Variants in NTAQ1 observed in about 807,000 individuals in gnomAD.
NTAQ1 encodes the protein protein N-terminal glutamine amidohydrolase.
A neutral mutation model predicts 28.2 loss-of-function variants in NTAQ1; 21 were observed. That is an observed-to-expected ratio of 0.74 (90% confidence interval 0.53 to 1.07). The LOEUF (loss-of-function observed/expected upper bound fraction) is 1.07. Ranked by LOEUF, NTAQ1 falls within the 50% of genes least tolerant of loss-of-function variation. The probability of loss-of-function intolerance (pLI) is 0.00; values close to 1 mark genes in which losing one functional copy is unlikely to be tolerated. For synonymous variants in NTAQ1, 105 were observed against 90.0 expected, an observed-to-expected ratio of 1.17 and a Z score of -0.94; for missense variants, 264 against 256.6, an observed-to-expected ratio of 1.03 and a Z score of -0.20.
At chr8:123,465,533 A>G (rs928399769) in intron 6 of NTAQ1, among the ~76,000 whole-genome samples, 4 of 147,486 alleles carry the variant, frequency 2.7e-5, no homozygotes, top group Non-Finnish European at 6.0e-5. Context: ...ATTGTATAGT[A>G]CGTACCCTTT....
At chr8:123,450,972 G>C (rs578027593), downstream of NTAQ1, among the ~76,000 whole-genome samples, 47 of 152,252 alleles carry the variant, frequency 3.1e-4, no homozygotes, top group South Asian at 5.2e-3. Context: ...TAAATATACT[G>C]TTCTACCCTG....
intron 1 of NTAQ1, among the ~76,000 whole-genome samples, chr8:123,419,541 C>T (rs1052849155): frequency 5.9e-5 from 9 of 152,150 alleles, no homozygotes; most frequent in East Asian, 1.9e-4. Flanking sequence ...GGGACTGTGT[C>T]GTCAGCAGAG....
At chr8:123,471,906 G>A (rs1041694531), downstream of NTAQ1, among the ~76,000 whole-genome samples, 4 of 152,148 alleles carry the variant, frequency 2.6e-5, no homozygotes, top group African/African-American at 7.2e-5. Context: ...AAGTTGACAC[G>A]TAAAATTAAC....
chr8:123,430,118 C>T (rs536516747), intron 3 of NTAQ1, 85 bp downstream of exon 3: 1 of 994,392 alleles, frequency 1.0e-6, no homozygotes, highest in Admixed American at 2.1e-5. Context: ...GCAGAAGTGA[C>T]CTAAGCAGTA....
chr8:123,443,026 C>G (rs1269727543), downstream of NTAQ1, among the ~76,000 whole-genome samples: 3 of 146,218 alleles, frequency 2.1e-5, no homozygotes, highest in Non-Finnish European at 3.0e-5. Context: ...TTTTTATTTA[C>G]TTATTTATTT....
chr8:123,440,081 C>T (rs181498402), intron 5 of NTAQ1, among the ~76,000 whole-genome samples: 1 of 148,882 alleles, frequency 6.7e-6, no homozygotes, highest in East Asian at 2.0e-4. Context: ...TATATTGCTC[C>T]TACCTTGGCC....
intron 1 of NTAQ1, among the ~76,000 whole-genome samples, chr8:123,419,506 T>A (rs1813534772): frequency 6.6e-6 from 1 of 152,188 alleles, no homozygotes; most frequent in African/African-American, 2.4e-5. Flanking sequence ...TGCTTAATGA[T>A]AATAGTGGCA....
intron 6 of NTAQ1, among the ~76,000 whole-genome samples, chr8:123,465,080 C>T (rs540424911): frequency 3.4e-4 from 51 of 152,180 alleles, no homozygotes; most frequent in African/African-American, 1.1e-3. Context: ...CGATACTGAG[C>T]CAGAGCCATT....
At chr8:123,421,339 C>T (rs7000446) in intron 1 of NTAQ1, among the ~76,000 whole-genome samples, 4 of 151,888 alleles carry the variant, frequency 2.6e-5, no homozygotes, top group African/African-American at 9.7e-5. Context: ...CTTGGCCTCC[C>T]GAACTGTTGG....
intron 5 of NTAQ1, chr8:123,438,100 T>C: frequency 1.4e-6 from 1 of 694,146 alleles, no homozygotes; most frequent in South Asian, 1.5e-5. Context: ...TAGCAGGTTT[T>C]ATTGTACCAC....
At position 123,436,584 on chromosome 8, in the gene NTAQ1, T is replaced by G. The variant is rs766678627; in HGVS notation, c.366T>G (p.Ile122Met). The change falls in exon 4 of 6, where the codon ATT becomes ATG. Residue 122 changes from isoleucine to methionine, a missense_variant. Ile to Met is a conservative substitution (Grantham distance 10). Coordinates refer to ENST00000287387, the MANE Select transcript of NTAQ1 (RefSeq NM_018024.3). Reference protein sequence around the residue: ...VEDAFKSDDDIHPQFRRKFRV... With the variant: ...VEDAFKSDDDMHPQFRRKFRV... ...ATGCCTTTAAGTCTGATGATGACAT[T>G]CACCCACAGTTTAGGAGGTGAGGAC... 6.2e-7 allele frequency: 1 copy of G among 1,613,888 alleles called. No individual in the cohort carries two copies. Among genetic ancestry groups the G allele is most frequent in the Non-Finnish European group, 8.5e-7 (1 of 1,179,916 alleles).
At chr8:123,462,394 A>G (rs1449442287) in intron 6 of NTAQ1, among the ~76,000 whole-genome samples, 1 of 152,130 alleles carries the variant, frequency 6.6e-6, no homozygotes, top group Non-Finnish European at 1.5e-5. Flanking sequence ...CTTTGTAGAA[A>G]GAACATTGGG....
At chr8:123,446,479 C>T (rs1360286058), downstream of NTAQ1, among the ~76,000 whole-genome samples, 1 of 152,194 alleles carries the variant, frequency 6.6e-6, no homozygotes, top group Non-Finnish European at 1.5e-5. Flanking sequence ...GGCTGAGCTC[C>T]AATAAAACTT....
intron 3 of NTAQ1, among the ~76,000 whole-genome samples, chr8:123,436,169 C>CAAAAA (rs34240319): frequency 2.3e-5 from 2 of 85,982 alleles, no homozygotes; most frequent in Non-Finnish European, 4.3e-5. Context: ...GACTCCATCT[C>CAAAAA]AAAAAAAAAA....
intron 1 of NTAQ1, among the ~76,000 whole-genome samples, chr8:123,422,606 G>GTTTTTTTTTTTTT (rs112284256): frequency 7.4e-6 from 1 of 134,422 alleles, no homozygotes; most frequent in African/African-American, 2.8e-5. Context: ...TCCATTGATA[G>GTTTTTTTTTTTTT]TTTTTTTTTT....
chr8:123,439,568 G>A (rs1356567865), intron 5 of NTAQ1, among the ~76,000 whole-genome samples: 1 of 151,846 alleles, frequency 6.6e-6, no homozygotes. Flanking sequence ...GGATGGTCTC[G>A]ATCTCCTGAC....
At chr8:123,459,084 T>G (rs1401201936) in intron 6 of NTAQ1, among the ~76,000 whole-genome samples, 2 of 150,440 alleles carry the variant, frequency 1.3e-5, no homozygotes, top group South Asian at 2.1e-4. Flanking sequence ...CTCAAATAAA[T>G]AAAATAAAAT....
intron 2 of NTAQ1, among the ~76,000 whole-genome samples, chr8:123,428,532 G>A (rs765649341): frequency 1.3e-5 from 2 of 151,966 alleles, no homozygotes; most frequent in Non-Finnish European, 2.9e-5. Flanking sequence ...ATATGTGATG[G>A]TCTACGCAGA....
chr8:123,465,574 CTTTTTTTTT>C (rs71310691), intron 6 of NTAQ1, among the ~76,000 whole-genome samples: 2 of 78,560 alleles, frequency 2.5e-5, no homozygotes, highest in African/African-American at 1.0e-4. Flanking sequence ...AGCATAACAT[CTTTTTTTTT>C]TTTTTTTTTT....
Sources: gnomAD v4.1 joint callset for allele counts (sites outside exome capture counted in the v4.1 genomes callset) on GRCh38, gnomAD v4.1.1 for gene constraint, MANE v1.5 for transcripts, NCBI Gene and HGNC (gene_info 2026-07-23, HGNC 2026-07-21) for gene names.